Variants in EXOC6 observed in about 807,000 individuals in gnomAD.
The protein encoded by EXOC6 is exocyst complex component 6.
Under a neutral mutation model 112.5 loss-of-function variants are expected in EXOC6, and 60 were observed. The observed-to-expected ratio is 0.53, with a 90% CI of 0.43 to 0.66. EXOC6 has a LOEUF of 0.66. Ranked by LOEUF, EXOC6 falls within the 30% of genes least tolerant of loss-of-function variation. The pLI, the probability that EXOC6 is intolerant of heterozygous loss-of-function variation, is 0.00. For synonymous variants in EXOC6, 295 were observed against 308.0 expected (o/e 0.96, Z 0.44); for missense variants, 855 against 957.1 (o/e 0.89, Z 1.41).
intron 20 of EXOC6, among the ~76,000 whole-genome samples, chr10:93,040,224 A>G (rs1217653352): frequency 1.3e-5 from 2 of 151,938 alleles, no homozygotes; most frequent in Non-Finnish European, 2.9e-5. Context: ...ATTTTGTTTC[A>G]TTATTCATCT....
intron 12 of EXOC6, among the ~76,000 whole-genome samples, chr10:92,938,212 G>C (rs571901817): frequency 6.6e-6 from 1 of 152,054 alleles, no homozygotes. Context: ...CACTGTAAAA[G>C]CAACAATGAT....
chr10:93,026,943 C>G (rs1328936305), intron 20 of EXOC6, among the ~76,000 whole-genome samples: 1 of 152,166 alleles, frequency 6.6e-6, no homozygotes, highest in Non-Finnish European at 1.5e-5. Context: ...AAATGATTAA[C>G]TTAATGAGGA....
intron 1 of EXOC6, among the ~76,000 whole-genome samples, chr10:92,843,149 A>G (rs1589679551): frequency 1.3e-5 from 2 of 152,168 alleles, no homozygotes; most frequent in East Asian, 3.8e-4. Context: ...ATTTCCTTCT[A>G]TTGTTCTCCA....
chr10:92,977,736 T>G (rs563577120), intron 18 of EXOC6, among the ~76,000 whole-genome samples: 4 of 152,092 alleles, frequency 2.6e-5, no homozygotes, highest in Non-Finnish European at 5.9e-5. Context: ...GTGTCATGTA[T>G]TGCTTTGAGG....
intron 18 of EXOC6, among the ~76,000 whole-genome samples, chr10:92,990,743 A>G (rs538676585): frequency 1.3e-5 from 2 of 152,130 alleles, no homozygotes; most frequent in African/African-American, 2.4e-5. Flanking sequence ...TAAGCCCAGC[A>G]TGCATTATCT....
At chr10:92,897,105 T>C (rs1849868430) in intron 4 of EXOC6, among the ~76,000 whole-genome samples, 1 of 152,176 alleles carries the variant, frequency 6.6e-6, no homozygotes, top group African/African-American at 2.4e-5. Context: ...GTTTTGTCCC[T>C]GTCTGATAAT....
chr10:93,004,352 A>G (rs2134202406), intron 19 of EXOC6, among the ~76,000 whole-genome samples: 1 of 152,346 alleles, frequency 6.6e-6, no homozygotes, highest in South Asian at 2.1e-4. Context: ...TTAACAAAGT[A>G]ACAAATCAGG....
At chr10:92,963,532 ATTTTTTTT>A (rs5787026) in intron 17 of EXOC6, among the ~76,000 whole-genome samples, 4 of 141,390 alleles carry the variant, frequency 2.8e-5, no homozygotes, top group South Asian at 4.5e-4. Context: ...ATAAAGAGCA[ATTTTTTTT>A]TTTTTTTTTG....
At chr10:92,913,924 G>T (rs1477903247) in intron 6 of EXOC6, among the ~76,000 whole-genome samples, 1 of 152,194 alleles carries the variant, frequency 6.6e-6, no homozygotes, top group Non-Finnish European at 1.5e-5. Context: ...TGAATCCACT[G>T]TTAGTCTGAT....
Position 93,053,947 on chromosome 10 carries a change from T to C in EXOC6, c.2170-2977T>C, listed in dbSNP as rs139252183. Reference sequence around the variant, plus strand: ...TCTGCCCATGTCCATGTGTAGTCTTTGGGACACAAACACTGAAATGTCTCA... The same window carrying C: ...TCTGCCCATGTCCATGTGTAGTCTTCGGGACACAAACACTGAAATGTCTCA... On this transcript the variant is annotated intron_variant, in intron 20 of 21. Coordinates refer to ENST00000260762, the MANE Select transcript of EXOC6 (RefSeq NM_019053.6). Among the ~76,000 whole-genome samples the C allele has an allele frequency of 3.4e-3, 525 of 152,340 alleles. 1 individual carries two copies. Among genetic ancestry groups the C allele is most frequent in the Non-Finnish European group, 6.4e-3 (432 of 68,024 alleles).
chr10:92,870,135 G>A (rs962199697), intron 1 of EXOC6, among the ~76,000 whole-genome samples: 1 of 151,830 alleles, frequency 6.6e-6, no homozygotes, highest in African/African-American at 2.4e-5. Flanking sequence ...TATTTTTTTA[G>A]TAGAGACAGG....
chr10:92,857,250 A>AT (rs1299732134), intron 1 of EXOC6, among the ~76,000 whole-genome samples: 3 of 149,240 alleles, frequency 2.0e-5, no homozygotes, highest in South Asian at 2.1e-4. Context: ...TTAATTAGTG[A>AT]TTTTTTGGGA....
chr10:92,940,945 A>C (rs1852632654), intron 13 of EXOC6, 121 bp downstream of exon 13: 1 of 717,370 alleles, frequency 1.4e-6, no homozygotes, highest in Non-Finnish European at 2.3e-6. Context: ...GTACACATAG[A>C]ATTTACCATC....
intron 1 of EXOC6, among the ~76,000 whole-genome samples, chr10:92,838,703 A>G (rs568366427): frequency 6.6e-6 from 1 of 152,308 alleles, no homozygotes; most frequent in South Asian, 2.1e-4. Flanking sequence ...GAACTTAAGA[A>G]AAAAGGGAGA....
intron 19 of EXOC6, among the ~76,000 whole-genome samples, chr10:93,001,359 A>T (rs1390415590): frequency 6.6e-6 from 1 of 152,232 alleles, no homozygotes; most frequent in Non-Finnish European, 1.5e-5. Context: ...CCATTCCTTG[A>T]ACATCCAATT....
At chr10:92,897,691 T>G (rs1849901084) in intron 4 of EXOC6, among the ~76,000 whole-genome samples, 2 of 152,206 alleles carry the variant, frequency 1.3e-5, no homozygotes, top group South Asian at 4.1e-4. Context: ...TCCTCTGCCC[T>G]TTTATTTGTA....
At chr10:92,997,370 A>C in intron 18 of EXOC6, 104 bp from the exon 19 acceptor site, 1 of 1,086,286 alleles carries the variant, frequency 9.2e-7, no homozygotes, top group Non-Finnish European at 1.3e-6. Context: ...TGTACCAAGC[A>C]TAAGCAACAA....
At chr10:92,994,649 TTTG>T (rs1197674573) in intron 18 of EXOC6, among the ~76,000 whole-genome samples, 4 of 152,186 alleles carry the variant, frequency 2.6e-5, no homozygotes, top group African/African-American at 9.6e-5. Context: ...TTTGGCTTTT[TTTG>T]TTAATGTTAA....
intron 12 of EXOC6, among the ~76,000 whole-genome samples, chr10:92,937,846 ACTT>A (rs1239818956): frequency 1.3e-5 from 2 of 152,170 alleles, no homozygotes. Flanking sequence ...GACTTAAAGC[ACTT>A]CTTCTCAAAG....
Sources: gnomAD v4.1 joint callset for allele counts (sites outside exome capture counted in the v4.1 genomes callset) on GRCh38, gnomAD v4.1.1 for gene constraint, MANE v1.5 for transcripts, NCBI Gene and HGNC (gene_info 2026-07-23, HGNC 2026-07-21) for gene names.